Variants in GNAZ observed in about 807,000 individuals in gnomAD.
GNAZ encodes the protein guanine nucleotide-binding protein G(z) subunit alpha.
Under a neutral mutation model 25.4 loss-of-function variants are expected in GNAZ, and 3 were observed. The observed-to-expected ratio is 0.12, with a 90% CI of 0.05 to 0.30. The LOEUF (loss-of-function observed/expected upper bound fraction) is 0.30, where lower values mean the gene tolerates loss of function less well. Ranked by LOEUF, GNAZ falls within the 10% of genes least tolerant of loss-of-function variation. The pLI is 1.00. For missense variants in GNAZ, 241 were observed against 501.8 expected, an observed-to-expected ratio of 0.48 and a Z score of 4.97; for synonymous variants, 211 against 205.7, an observed-to-expected ratio of 1.03 and a Z score of -0.22.
At chr22:23,078,803 A>G (rs1310735766) in intron 1 of GNAZ, among the ~76,000 whole-genome samples, 1 of 152,212 alleles carries the variant, frequency 6.6e-6, no homozygotes, top group Non-Finnish European at 1.5e-5. Context: ...AGGGGTAGCA[A>G]CAGAAGCCCA....
chr22:23,081,711 A>T (rs946172210), intron 1 of GNAZ, among the ~76,000 whole-genome samples: 2 of 151,072 alleles, frequency 1.3e-5, no homozygotes, highest in Non-Finnish European at 2.9e-5. Flanking sequence ...AATCCCAGCT[A>T]CTTGGGAGGC....
Position 23,095,642 on chromosome 22 carries a change from G to A in GNAZ, c.-54G>A. 6.5e-7 allele frequency: 1 copy of A among 1,543,258 alleles called. No homozygotes were observed. The stretch of plus-strand genomic sequence containing the variant: ...CTGGTCTCAGTGTCCCCTGTGGCAA[G>A]AGGGAGAGGTGCCCCATCCCGTGCT... On this transcript the variant is annotated 5_prime_UTR_variant, in exon 2 of 3. Transcript: ENST00000615612.
At chr22:23,090,159 G>T (rs2068928383) in intron 1 of GNAZ, among the ~76,000 whole-genome samples, 1 of 152,052 alleles carries the variant, frequency 6.6e-6, no homozygotes, top group Non-Finnish European at 1.5e-5. Flanking sequence ...AGCACAGCAG[G>T]GTCCTGTACC....
At chr22:23,104,109 G>T (rs1381147911) in intron 2 of GNAZ, among the ~76,000 whole-genome samples, 1 of 152,014 alleles carries the variant, frequency 6.6e-6, no homozygotes, top group African/African-American at 2.4e-5. Context: ...CAAGGCTGTG[G>T]GGGAGCAGTG....
intron 1 of GNAZ, among the ~76,000 whole-genome samples, chr22:23,077,592 G>A (rs374450991): frequency 1.4e-4 from 21 of 152,142 alleles, no homozygotes; most frequent in African/African-American, 4.8e-4. Context: ...GGTGTTGCAG[G>A]AGTGGGGTCA....
chr22:23,085,998 G>A (rs1041706366), intron 1 of GNAZ, among the ~76,000 whole-genome samples: 1 of 152,266 alleles, frequency 6.6e-6, no homozygotes, highest in Non-Finnish European at 1.5e-5. Context: ...GGCCTTGCCT[G>A]GCCCCTCGGC....
chr22:23,119,381 A>G (rs1260559405), intron 2 of GNAZ, among the ~76,000 whole-genome samples: 1 of 152,212 alleles, frequency 6.6e-6, no homozygotes, highest in Non-Finnish European at 1.5e-5. Flanking sequence ...CATCAACTTC[A>G]GCTGGTCAGG....
In GNAZ at chr22:23,071,866, T is replaced by A. The variant is rs566510617; in HGVS notation, c.-450+1296T>A. Among the ~76,000 whole-genome samples the A allele has an allele frequency of 2.6e-5, 4 of 152,018 alleles. No homozygotes were observed. The highest frequency in any genetic ancestry group is 5.9e-5 in the Non-Finnish European group (4 of 67,974). On this transcript the variant is annotated intron_variant, in intron 1 of 2. Coordinates refer to ENST00000615612, the MANE Select transcript of GNAZ (RefSeq NM_002073.4). This position sits in a 1 kb window ranked among gnomAD's most constrained non-coding sequence, Gnocchi z 4.1. ...AGAATAGACCGAGGCACTTGGGCAG[T>A]TAGGTCTGATGGGAGCACTTAGCAT...
At chr22:23,117,289 G>C (rs2069872797) in intron 2 of GNAZ, among the ~76,000 whole-genome samples, 1 of 152,188 alleles carries the variant, frequency 6.6e-6, no homozygotes, top group East Asian at 1.9e-4. Flanking sequence ...TTTTAAGTAA[G>C]GTCCAGGTGG....
At chr22:23,114,516 A>AC (rs1569183648) in intron 2 of GNAZ, among the ~76,000 whole-genome samples, 1 of 150,672 alleles carries the variant, frequency 6.6e-6, no homozygotes, top group Non-Finnish European at 1.5e-5. Context: ...CTCTTGTATT[A>AC]CCCCTCGCCC....
At chr22:23,091,815 T>C (rs1328370669) in intron 1 of GNAZ, among the ~76,000 whole-genome samples, 1 of 152,256 alleles carries the variant, frequency 6.6e-6, no homozygotes, top group African/African-American at 2.4e-5. Flanking sequence ...AAGGGCTCAG[T>C]TGGACTTCTG....
rs752075537 is a variant in GNAZ at position 23,096,300 on chromosome 22, T to TG, written c.612dup (p.Gln205AlafsTer35). The TG allele has an allele frequency of 1.2e-5, 20 of 1,613,684 alleles. No individual in the cohort carries two copies. The highest frequency in any genetic ancestry group is 8.5e-7 in the Non-Finnish European group (1 of 1,179,974). ...GAGCTCACCTTCAAGATGGTGGACG[T>TG]GGGGGGGCAGAGGTCAGAGCGCAAA... On this transcript the variant is annotated frameshift_variant, in exon 2 of 3. Transcript: ENST00000615612. LOFTEE classifies it high-confidence loss of function.
At position 23,071,443 on chromosome 22, in the gene GNAZ, G is replaced by A. The variant is rs541606905; in HGVS notation, c.-450+873G>A. Among the ~76,000 whole-genome samples, 49 of 152,346 alleles carry A rather than the reference G, an allele frequency of 3.2e-4. No homozygotes were observed. The highest frequency in any genetic ancestry group is 2.9e-3 in the Admixed American group (45 of 15,314). ...GGTGGAGGGACCCGCCTGGTAGAGA[G>A]GTCTGTCTTGCTTGGGGAGACAGCT... On this transcript the variant is annotated intron_variant, in intron 1 of 2. Transcript: ENST00000615612. The surrounding 1 kb of genome is among the most constrained non-coding windows in gnomAD (Gnocchi z 4.1).
rs1162115413 is a variant in GNAZ, at chr22:23,095,881, C to A, written c.186C>A (p.Asn62Lys). ...QMKIIHSGGF[N>K]LEACKEYKPL... Reference sequence around the variant, plus strand: ...AGATCATCCACAGCGGCGGCTTCAACCTGGAGGCCTGCAAGGAGTACAAGC... The same window carrying A: ...AGATCATCCACAGCGGCGGCTTCAAACTGGAGGCCTGCAAGGAGTACAAGC... The change falls in exon 2 of 3, where the codon AAC becomes AAA. Residue 62 changes from asparagine (N) to lysine (K), a missense_variant. Transcript: ENST00000615612. The A allele has an allele frequency of 6.2e-7, 1 of 1,613,732 alleles. No homozygotes were observed.
chr22:23,071,724 A>T lies in GNAZ; in HGVS notation c.-450+1154A>T, dbSNP rs562954512. On this transcript the variant is annotated intron_variant, in intron 1 of 2. Coordinates refer to ENST00000615612, the MANE Select transcript of GNAZ (RefSeq NM_002073.4). This position sits in a 1 kb window ranked among gnomAD's most constrained non-coding sequence, Gnocchi z 4.1. The stretch of plus-strand genomic sequence containing the variant: ...TGCAGGTGCAGGGGCCTCGGGAGGG[A>T]CCTCAGAGTGGTGTCCTGGGCTGGG... Among the ~76,000 whole-genome samples, 2 of 152,178 alleles carry T rather than the reference A, an allele frequency of 1.3e-5. No individual in the cohort carries two copies. The highest frequency in any genetic ancestry group is 4.1e-4 in the South Asian group (2 of 4,822).
chr22:23,119,743 G>C (rs1315866695), intron 2 of GNAZ, among the ~76,000 whole-genome samples: 1 of 152,228 alleles, frequency 6.6e-6, no homozygotes, highest in African/African-American at 2.4e-5. Flanking sequence ...GAAGCTTCCT[G>C]TCTGAGCCCG....
intron 2 of GNAZ, among the ~76,000 whole-genome samples, chr22:23,104,997 G>C (rs1569178355): frequency 6.6e-6 from 1 of 152,224 alleles, no homozygotes; most frequent in Non-Finnish European, 1.5e-5. Context: ...GCTTAGGCCA[G>C]CCCAGGAGCC....
At chr22:23,074,390 A>C (rs1290804565) in intron 1 of GNAZ, among the ~76,000 whole-genome samples, 1 of 152,222 alleles carries the variant, frequency 6.6e-6, no homozygotes, top group Non-Finnish European at 1.5e-5. Flanking sequence ...GGACAGCTGC[A>C]GTTTTGGTCT....
chr22:23,088,187 C>G (rs2068867455), intron 1 of GNAZ, among the ~76,000 whole-genome samples: 1 of 152,224 alleles, frequency 6.6e-6, no homozygotes, highest in South Asian at 2.1e-4. Context: ...TTCCCATACT[C>G]ACGCAGCAAG....
Sources: gnomAD v4.1 joint callset for allele counts (sites outside exome capture counted in the v4.1 genomes callset) on GRCh38, gnomAD v4.1.1 for gene constraint, Gnocchi (gnomAD v3.1) non-coding constraint, MANE v1.5 for transcripts, NCBI Gene and HGNC (gene_info 2026-07-23, HGNC 2026-07-21) for gene names.